DKK2: variants seen among roughly 807,000 people sequenced by gnomAD.
DKK2 encodes the protein dickkopf-related protein 2.
Under a neutral mutation model 28.1 loss-of-function variants are expected in DKK2, and 11 were observed. That is an observed-to-expected ratio of 0.39 (90% CI 0.25 to 0.65). The LOEUF is 0.65. Ranked by LOEUF, DKK2 falls within the 30% of genes least tolerant of loss-of-function variation. The probability of loss-of-function intolerance (pLI) is 0.47; values close to 1 mark genes in which losing one functional copy is unlikely to be tolerated. For missense variants in DKK2, 326 were observed against 335.5 expected, an observed-to-expected ratio of 0.97 and a Z score of 0.22; for synonymous variants, 135 against 126.5, an observed-to-expected ratio of 1.07 and a Z score of -0.45.
chr4:106,986,515 C>A (rs1012639726), intron 1 of DKK2, among the ~76,000 whole-genome samples: 1 of 152,188 alleles, frequency 6.6e-6, no homozygotes, highest in Non-Finnish European at 1.5e-5. Context: ...TATATAATCT[C>A]TTAATGTTCT....
chr4:106,997,069 A>T (rs562248589), intron 1 of DKK2, among the ~76,000 whole-genome samples: 12 of 151,342 alleles, frequency 7.9e-5, no homozygotes, highest in African/African-American at 2.4e-4. Context: ...TAAAATAGCC[A>T]TTTTTTTTTA....
rs200137828 is a variant in DKK2 at position 106,924,513 on chromosome 4, T to A, written c.529+32A>T. ...ATATTTTTCTTCTATTTCTTTATTT[T>A]AAAAAAACCCCAGAACTACAGATAT... On this transcript the variant is annotated intron_variant, in intron 3 of 3. Transcript: ENST00000285311. 2.0e-4 allele frequency: 317 copies of A among 1,585,858 alleles called. 1 individual carries two copies. Among genetic ancestry groups the A allele is most frequent in the Non-Finnish European group, 1.2e-4 (137 of 1,170,960 alleles).
intron 1 of DKK2, among the ~76,000 whole-genome samples, chr4:106,937,772 A>C (rs1200165768): frequency 6.7e-6 from 1 of 149,576 alleles, no homozygotes; most frequent in Non-Finnish European, 1.5e-5. Flanking sequence ...ACTATCTCTC[A>C]GACCACAGTG....
At chr4:107,002,543 C>T (rs1198505534) in intron 1 of DKK2, among the ~76,000 whole-genome samples, 1 of 152,032 alleles carries the variant, frequency 6.6e-6, no homozygotes, top group African/African-American at 2.4e-5. Flanking sequence ...TCACATGCTT[C>T]TGCTTTGCTG....
intron 1 of DKK2, among the ~76,000 whole-genome samples, chr4:106,936,204 G>A (rs1054626609): frequency 6.6e-6 from 1 of 152,088 alleles, no homozygotes; most frequent in African/African-American, 2.4e-5. Context: ...AGGCAAAGAA[G>A]TTGAAAACTT....
At chr4:106,927,597 T>C (rs938976832) in intron 1 of DKK2, among the ~76,000 whole-genome samples, 1 of 152,108 alleles carries the variant, frequency 6.6e-6, no homozygotes, top group Non-Finnish European at 1.5e-5. Context: ...ACTCTGTAAC[T>C]CCACCATTAG....
intron 1 of DKK2, among the ~76,000 whole-genome samples, chr4:106,970,963 C>T (rs776078967): frequency 6.6e-6 from 1 of 152,092 alleles, no homozygotes; most frequent in Non-Finnish European, 1.5e-5. Flanking sequence ...ACAATAACTG[C>T]TATTGTTAAG....
rs918504752 is a variant in DKK2 at position 106,923,207 on chromosome 4, G to A, written c.*747C>T. ...ATAAAGAGAGATATACTGTCATTCC[G>A]TAGAATCTGAAGGAACTGTTTTTGT... is the stretch of plus-strand genomic sequence containing the variant. On this transcript the variant is annotated 3_prime_UTR_variant, in exon 4 of 4. Transcript: ENST00000285311. The A allele has an allele frequency of 4.6e-5, 7 of 152,076 alleles. No homozygotes were observed. The highest frequency in any genetic ancestry group is 1.0e-4 in the Non-Finnish European group (7 of 68,026). 9.4% of individuals were successfully genotyped at this position (152,076 alleles called of 1,614,324 possible).
intron 1 of DKK2, among the ~76,000 whole-genome samples, chr4:106,975,836 T>C (rs951478540): frequency 1.3e-5 from 2 of 152,186 alleles, no homozygotes; most frequent in African/African-American, 4.8e-5. Context: ...AATATTAGGG[T>C]GCTGATTTTA....
At chr4:106,953,989 C>T (rs1722541711) in intron 1 of DKK2, among the ~76,000 whole-genome samples, 2 of 152,138 alleles carry the variant, frequency 1.3e-5, no homozygotes, top group Admixed American at 6.6e-5. Context: ...CTGGACAACC[C>T]TCAGTTTCCC....
At chr4:106,934,313 A>C (rs1156935921) in intron 1 of DKK2, among the ~76,000 whole-genome samples, 1 of 152,196 alleles carries the variant, frequency 6.6e-6, no homozygotes, top group Non-Finnish European at 1.5e-5. Context: ...ACAATACTAA[A>C]GTGAAATGTC....
intron 1 of DKK2, among the ~76,000 whole-genome samples, chr4:107,000,836 C>A (rs1723349386): frequency 1.3e-5 from 2 of 151,966 alleles, no homozygotes; most frequent in African/African-American, 4.8e-5. Flanking sequence ...ATGTCCATGG[C>A]CATACAACTA....
chr4:106,973,563 C>A (rs1302230437), intron 1 of DKK2, among the ~76,000 whole-genome samples: 2 of 152,172 alleles, frequency 1.3e-5, no homozygotes, highest in African/African-American at 4.8e-5. Context: ...ATAACCTTCA[C>A]ACACTTTTTG....
intron 1 of DKK2, among the ~76,000 whole-genome samples, chr4:106,991,361 C>T (rs991036597): frequency 1.3e-5 from 2 of 152,068 alleles, no homozygotes; most frequent in African/African-American, 4.8e-5. Context: ...TTTCATCATG[C>T]TTCACTTCAT....
chr4:107,033,537 G>T (rs980983783), intron 1 of DKK2, among the ~76,000 whole-genome samples: 10 of 152,132 alleles, frequency 6.6e-5, no homozygotes, highest in African/African-American at 2.2e-4. Context: ...ATGAAACGAC[G>T]CATGTAACTG....
intron 1 of DKK2, among the ~76,000 whole-genome samples, chr4:107,014,075 T>A (rs528180148): frequency 5.9e-4 from 90 of 151,704 alleles, no homozygotes; most frequent in Middle Eastern, 3.4e-3. Context: ...ACAAACAGTA[T>A]GGAGTTCCCT....
intron 1 of DKK2, among the ~76,000 whole-genome samples, chr4:106,990,038 G>C (rs1311140850): frequency 6.6e-6 from 1 of 151,968 alleles, no homozygotes; most frequent in African/African-American, 2.4e-5. Flanking sequence ...TGAAATTTGT[G>C]TGCATTTCAC....
chr4:106,976,933 GATGGTGACAAAA>G (rs2110356426), intron 1 of DKK2, among the ~76,000 whole-genome samples: 1 of 152,188 alleles, frequency 6.6e-6, no homozygotes, highest in South Asian at 2.1e-4. Context: ...AGGCAGGCCC[GATGGTGACAAAA>G]ATCTCTCAGC....
intron 1 of DKK2, among the ~76,000 whole-genome samples, chr4:106,945,004 A>G (rs76092321): frequency 1.1e-3 from 160 of 152,268 alleles, no homozygotes; most frequent in Non-Finnish European, 2.1e-3. Context: ...TATAAAACCT[A>G]GCACTAGCCA....
Sources: allele counts gnomAD v4.1 joint callset (sites outside exome capture counted in the v4.1 genomes callset), GRCh38; gene constraint gnomAD v4.1.1; transcripts MANE v1.5; gene names NCBI Gene and HGNC (gene_info 2026-07-23, HGNC 2026-07-21).